Variants in ZNF845 observed in about 807,000 individuals in gnomAD.
ZNF845 encodes zinc finger protein 845.
A neutral mutation model predicts 76.1 loss-of-function variants in ZNF845; 59 were observed. The ratio of observed to expected loss-of-function variants is 0.78; its 90% CI spans 0.63 to 0.96. ZNF845 has a LOEUF of 0.96. Among genes scored for constraint, ZNF845 ranks in the 40% least tolerant of loss-of-function variants. The probability of loss-of-function intolerance (pLI) is 0.00; values close to 1 mark genes in which losing one functional copy is unlikely to be tolerated. For synonymous variants in ZNF845, 361 were observed against 386.9 expected (o/e 0.93, Z 0.78); for missense variants, 1,045 against 1,172.8 (o/e 0.89, Z 1.59).
Position 53,341,257 on chromosome 19 carries a change from G to T in ZNF845, c.-51G>T. On this transcript the variant is annotated 5_prime_UTR_variant, in exon 2 of 4. Transcript: ENST00000458035. The stretch of plus-strand genomic sequence containing the variant: ...CAGGATTGACTTCTAAAGACTCTTG[G>T]TACGTGAGGAAGAAACCCGGAAGAG... 6.2e-7 allele frequency: 1 copy of T among 1,610,912 alleles called. No individual in the cohort carries two copies. Among genetic ancestry groups the T allele is most frequent in the Non-Finnish European group, 8.5e-7 (1 of 1,177,422 alleles).
At position 53,343,473 on chromosome 19, in the gene ZNF845, G is replaced by A. The variant is rs1345392912; in HGVS notation, c.16-2033G>A. 1.1e-4 allele frequency among the ~76,000 whole-genome samples: 17 copies of A among 152,192 alleles called. No homozygotes were observed. In the East Asian group the frequency reaches 3.1e-3, roughly 28 times the overall value. ...CTTCTTCTAGGATGGGGCATTCCCT[G>A]TTTTCTTAGATCTGACAAGATTCCC... On this transcript the variant is annotated intron_variant, in intron 2 of 3. Coordinates refer to ENST00000458035, the MANE Select transcript of ZNF845 (RefSeq NM_138374.3).
intron 3 of ZNF845, among the ~76,000 whole-genome samples, chr19:53,348,311 G>A (rs77368254): frequency 0.012 from 1,766 of 152,202 alleles, 27 homozygotes; most frequent in African/African-American, 0.04. Flanking sequence ...GGAGGCTTAC[G>A]GCACAGATAT....
chr19:53,337,562 TTTTAATTTAA>T (rs987552355), intron 1 of ZNF845, among the ~76,000 whole-genome samples: 1 of 151,936 alleles, frequency 6.6e-6, no homozygotes, highest in African/African-American at 2.4e-5. Context: ...TGTATTTTAA[TTTTAATTTAA>T]TTTAATTTAA....
rs1163636687 is a variant in ZNF845 at position 53,356,069 on chromosome 19, A to G, written c.*2481A>G. 1 of 152,232 alleles carries G rather than the reference A, an allele frequency of 6.6e-6. No homozygotes were observed. The highest frequency in any genetic ancestry group is 1.5e-5 in the Non-Finnish European group (1 of 68,046). 9.4% of individuals were successfully genotyped at this position (152,232 alleles called of 1,614,324 possible). A position where few individuals can be genotyped will look rare whatever the true frequency, so the allele number is the denominator to read the frequency against. ...TCAAGAAGTTCATGGAAAAATACAT[A>G]TTATGAAAAATTTGTGCATAAATTT... is the stretch of plus-strand genomic sequence containing the variant. On this transcript the variant is annotated 3_prime_UTR_variant, in exon 4 of 4. Transcript: ENST00000458035.
Position 53,353,699 on chromosome 19 carries a change from G to T in ZNF845, c.*111G>T. ...TGTAAGAGTTTGTGACAAGAATCTT[G>T]GGCGTGATTCACACCTGGCCCAACA... On this transcript the variant is annotated 3_prime_UTR_variant, in exon 4 of 4. Coordinates refer to ENST00000458035, the MANE Select transcript of ZNF845 (RefSeq NM_138374.3). The T allele has an allele frequency of 6.6e-7, 1 of 1,522,522 alleles. No homozygotes were observed. Among genetic ancestry groups the T allele is most frequent in the Non-Finnish European group, 8.8e-7 (1 of 1,138,698 alleles). The allele number at this position is 1,522,522 out of a possible 1,614,324, so 94.3% of individuals were successfully genotyped here.
rs764997829 is a variant in ZNF845 at position 53,353,253 on chromosome 19, A to G, written c.2578A>G (p.Lys860Glu). 2.5e-6 allele frequency: 4 copies of G among 1,613,924 alleles called. No individual in the cohort carries two copies. In the South Asian group the frequency reaches 4.4e-5, roughly 18 times the overall value. The change falls in exon 4 of 4, where the codon AAG becomes GAG. Residue 860 changes from lysine to glutamate, a missense_variant. Physicochemically the swap from Lys to Glu is moderately conservative, Grantham distance 56. Coordinates refer to ENST00000458035, the MANE Select transcript of ZNF845 (RefSeq NM_138374.3). ...AATTCATACTGGAGAAAAACCTTAC[A>G]AGTGTAGTGAATGTGGCAAGGTTTT... Reference protein sequence around the residue: ...KAIHTGEKPYKCSECGKVFNR... With the variant: ...KAIHTGEKPYECSECGKVFNR...
chr19:53,336,633 CTT>C (rs398035035), intron 1 of ZNF845, among the ~76,000 whole-genome samples: 1,105 of 92,444 alleles, frequency 0.012, 15 homozygotes, highest in African/African-American at 0.042. Context: ...TTCTTTCTTT[CTT>C]TTTTTTTTTT....
At chr19:53,347,928 G>T (rs1433234921) in intron 3 of ZNF845, among the ~76,000 whole-genome samples, 1 of 152,156 alleles carries the variant, frequency 6.6e-6, no homozygotes, top group African/African-American at 2.4e-5. Flanking sequence ...ACAGACTCAC[G>T]CCTGTAATCC....
At chr19:53,341,347 G>A (rs2085255557) in intron 2 of ZNF845, 25 bp downstream of exon 2, 2 of 1,613,852 alleles carry the variant, frequency 1.2e-6, no homozygotes, top group East Asian at 4.5e-5. Flanking sequence ...TGGGTGGATT[G>A]TTCTGTCTCC....
Position 53,351,001 on chromosome 19 carries a change from A to G in ZNF845, c.326A>G (p.His109Arg), listed in dbSNP as rs1208703864. ...FQWKEDERNS[H>R]EAPMTEIKQL... ...TGGAAAGAAGATGAAAGAAATAGCC[A>G]TGAAGCACCCATGACAGAAATCAAA... Residue 109 changes from histidine to arginine, a missense_variant, in exon 4 of 4, where the codon CAT (histidine) becomes CGT (arginine). Coordinates refer to ENST00000458035, the MANE Select transcript of ZNF845 (RefSeq NM_138374.3). The G allele has an allele frequency of 3.1e-6, 5 of 1,614,224 alleles. No homozygotes were observed. Among genetic ancestry groups the G allele is most frequent in the East Asian group, 4.5e-5 (2 of 44,886 alleles).
rs138922276 is a variant in ZNF845, at chr19:53,340,187, G to A, written c.-73-1048G>A. 1.6e-4 allele frequency among the ~76,000 whole-genome samples: 24 copies of A among 152,320 alleles called. No homozygotes were observed. In the East Asian group the frequency reaches 4.2e-3, roughly 27 times the overall value. ...ATGCCTCAGCCTCCTGAGCAGTGGC[G>A]ATTACAGGCGTGTGCTACCATGCCC... On this transcript the variant is annotated intron_variant, in intron 1 of 3. Coordinates refer to ENST00000458035, the MANE Select transcript of ZNF845 (RefSeq NM_138374.3).
At position 53,355,685 on chromosome 19, in the gene ZNF845, T is replaced by C. The variant is rs750385823; in HGVS notation, c.*2097T>C. On this transcript the variant is annotated 3_prime_UTR_variant, in exon 4 of 4. Coordinates refer to ENST00000458035, the MANE Select transcript of ZNF845 (RefSeq NM_138374.3). Reference sequence around the variant, plus strand: ...TGCTCTGCCTAGGACAGCCAGTATTTATTGAATATCAGGGGTGAGAGCATT... The same window carrying C: ...TGCTCTGCCTAGGACAGCCAGTATTCATTGAATATCAGGGGTGAGAGCATT... 4.6e-5 allele frequency: 7 copies of C among 152,186 alleles called. No homozygotes were observed. Among genetic ancestry groups the C allele is most frequent in the African/African-American group, 1.7e-4 (7 of 41,450 alleles). 9.4% of individuals were successfully genotyped at this position (152,186 alleles called of 1,614,324 possible).
At chr19:53,339,438 G>T (rs1045191754) in intron 1 of ZNF845, among the ~76,000 whole-genome samples, 8 of 152,172 alleles carry the variant, frequency 5.3e-5, no homozygotes, top group African/African-American at 1.9e-4. Flanking sequence ...GGAGGGGAGT[G>T]GTTTCCCTGC....
Position 53,352,307 on chromosome 19 carries a change from T to C in ZNF845, c.1632T>C (p.Leu544=). 6.2e-7 allele frequency: 1 copy of C among 1,613,856 alleles called. No individual in the cohort carries two copies. Among genetic ancestry groups the C allele is most frequent in the Non-Finnish European group, 8.5e-7 (1 of 1,179,906 alleles). The change falls in exon 4 of 4, where the codon CTT becomes CTC. Residue 544 remains leucine, a synonymous_variant. Transcript: ENST00000458035. ...CATCCCTTACACGCCATTGTAGACT[T>C]CATACTGGAGAGAAACCTTACCAGT... ...RKSSLTRHCR[L]HTGEKPYQCN...
chr19:53,334,616 GGGGGCT>G (rs1236504678), intron 1 of ZNF845, among the ~76,000 whole-genome samples: 2 of 152,042 alleles, frequency 1.3e-5, no homozygotes, highest in African/African-American at 2.4e-5. Context: ...ATGAAGAAAG[GGGGGCT>G]GGGCGCAGTG....
rs971556039 is a variant in ZNF845 at position 53,345,697 on chromosome 19, T to G, written c.142+65T>G. The G allele has an allele frequency of 2.5e-6, 4 of 1,602,442 alleles. No homozygotes were observed. The East Asian group carries it at 8.9e-5, about 36-fold the overall frequency. On this transcript the variant is annotated intron_variant, in intron 3 of 3. Coordinates refer to ENST00000458035, the MANE Select transcript of ZNF845 (RefSeq NM_138374.3). ...GTGTATCTTTGTATTTTCTCTTTTT[T>G]TTAGATACAATGTCTTGCTCTGTCA...
At chr19:53,336,633 C>CTTTTTTTTTT (rs398035035) in intron 1 of ZNF845, among the ~76,000 whole-genome samples, 8 of 92,424 alleles carry the variant, frequency 8.7e-5, no homozygotes, top group African/African-American at 1.8e-4. Context: ...TTCTTTCTTT[C>CTTTTTTTTTT]TTTTTTTTTT....
At chr19:53,339,545 A>G (rs7255712) in intron 1 of ZNF845, among the ~76,000 whole-genome samples, 8,949 of 152,240 alleles carry the variant, frequency 0.059, 618 homozygotes, top group African/African-American at 0.17. Context: ...CACCATCCCA[A>G]GACCCAACTA....
intron 3 of ZNF845, among the ~76,000 whole-genome samples, chr19:53,349,023 A>T (rs2085316043): frequency 6.7e-6 from 1 of 150,272 alleles, no homozygotes; most frequent in African/African-American, 2.4e-5. Context: ...TGCCCAGCTA[A>T]TTTTTTTTGC....
Sources: allele counts gnomAD v4.1 joint callset (sites outside exome capture counted in the v4.1 genomes callset), GRCh38; gene constraint gnomAD v4.1.1; transcripts MANE v1.5; gene names NCBI Gene and HGNC (gene_info 2026-07-23, HGNC 2026-07-21).